Variants in PLXDC2 observed in about 807,000 individuals in gnomAD.
PLXDC2 encodes plexin domain containing 2.
A neutral mutation model predicts 68.9 loss-of-function variants in PLXDC2; 40 were observed. That is an observed-to-expected ratio of 0.58 (90% confidence interval 0.45 to 0.76). PLXDC2 has a LOEUF of 0.76. Ranked by LOEUF, PLXDC2 falls within the 30% of genes least tolerant of loss-of-function variation. PLXDC2 has a pLI of 0.00. For synonymous variants in PLXDC2, 243 were observed against 234.2 expected (o/e 1.04, Z -0.34); for missense variants, 644 against 661.9 (o/e 0.97, Z 0.30).
chr10:19,838,227 T>C (rs1453963946), intron 1 of PLXDC2, among the ~76,000 whole-genome samples: 1 of 151,604 alleles, frequency 6.6e-6, no homozygotes, highest in African/African-American at 2.4e-5. Flanking sequence ...CCTCCCAAAG[T>C]GCTTGGATTA....
intron 1 of PLXDC2, among the ~76,000 whole-genome samples, chr10:19,905,674 A>G (rs1242587439): frequency 6.6e-6 from 1 of 152,204 alleles, no homozygotes; most frequent in African/African-American, 2.4e-5. Flanking sequence ...TCCCAATTAT[A>G]TTATGATTTA....
In PLXDC2 at chr10:20,164,522, C is replaced by G. The variant is rs776955112; in HGVS notation, c.838C>G (p.Leu280Val). The change falls in exon 7 of 14, where the codon CTG becomes GTG. Residue 280 changes from leucine to valine, a missense_variant. Physicochemically the swap from Leu to Val is conservative, Grantham distance 32. This residue lies in a region of PLXDC2 where 330 missense variants were observed against 327.9 expected (regional missense o/e 1.01). Transcript: ENST00000377252. ...AACCAATCATCCAGTGAAAGTCGGA[C>G]TGTCCGATGCATTTGTCGTTGTCCA... is the stretch of plus-strand genomic sequence containing the variant. ...SSTNHPVKVG[L>V]SDAFVVVHRI... 20 of 1,613,600 alleles carry G rather than the reference C, an allele frequency of 1.2e-5. No homozygotes were observed. The highest frequency in any genetic ancestry group is 1.5e-5 in the Non-Finnish European group (18 of 1,179,798).
chr10:19,854,642 C>T (rs1463950914), intron 1 of PLXDC2, among the ~76,000 whole-genome samples: 4 of 151,962 alleles, frequency 2.6e-5, no homozygotes, highest in South Asian at 4.2e-4. Flanking sequence ...ATTTGGCAAG[C>T]GAAGTTAAAA....
At chr10:20,020,214 CTTA>C (rs956633326) in intron 2 of PLXDC2, among the ~76,000 whole-genome samples, 1 of 111,276 alleles carries the variant, frequency 9.0e-6, no homozygotes, top group African/African-American at 3.9e-5. Flanking sequence ...GAGAGGTTGT[CTTA>C]TTATGTTACC....
intron 2 of PLXDC2, among the ~76,000 whole-genome samples, chr10:20,022,027 A>T (rs1835320453): frequency 6.6e-6 from 1 of 152,216 alleles, no homozygotes; most frequent in Non-Finnish European, 1.5e-5. Context: ...TCTGCTTAAA[A>T]TGTTGAACTT....
At chr10:19,990,259 A>G (rs1428933621) in intron 1 of PLXDC2, among the ~76,000 whole-genome samples, 1 of 152,184 alleles carries the variant, frequency 6.6e-6, no homozygotes, top group East Asian at 1.9e-4. Flanking sequence ...CATAATTTTT[A>G]GCAAAATCCT....
chr10:20,146,511 CCTTCCTT>C (rs1242136539), intron 5 of PLXDC2, among the ~76,000 whole-genome samples: 4 of 144,970 alleles, frequency 2.8e-5, no homozygotes, highest in African/African-American at 7.7e-5. Flanking sequence ...TTCCTTCCTT[CCTTCCTT>C]CCTCCCTCCC....
chr10:20,008,078 C>T (rs1052314760), intron 2 of PLXDC2, among the ~76,000 whole-genome samples: 1 of 152,234 alleles, frequency 6.6e-6, no homozygotes, highest in Admixed American at 6.5e-5. Flanking sequence ...GGCTATCACA[C>T]ATACACTGCC....
chr10:20,038,965 T>C (rs2131674516), intron 2 of PLXDC2, among the ~76,000 whole-genome samples: 1 of 152,258 alleles, frequency 6.6e-6, no homozygotes, highest in African/African-American at 2.4e-5. Context: ...CCTTTTTCTG[T>C]ATGATTTTAC....
chr10:20,197,654 C>A (rs1389288739), intron 9 of PLXDC2, among the ~76,000 whole-genome samples: 4 of 151,644 alleles, frequency 2.6e-5, no homozygotes, highest in Non-Finnish European at 5.9e-5. Flanking sequence ...CCGCACCCGG[C>A]CTTTATTTTT....
chr10:19,967,028 G>A (rs1165977020), intron 1 of PLXDC2, among the ~76,000 whole-genome samples: 3 of 152,164 alleles, frequency 2.0e-5, no homozygotes, highest in Non-Finnish European at 4.4e-5. Flanking sequence ...CAACCTCATG[G>A]CGAGACTTGT....
At chr10:20,125,178 C>A (rs1833755823) in intron 4 of PLXDC2, among the ~76,000 whole-genome samples, 2 of 152,086 alleles carry the variant, frequency 1.3e-5, no homozygotes, top group South Asian at 4.1e-4. Flanking sequence ...TTCCTAATAT[C>A]CACTGGCACT....
At chr10:19,972,364 G>A (rs532980565) in intron 1 of PLXDC2, among the ~76,000 whole-genome samples, 144 of 152,210 alleles carry the variant, frequency 9.5e-4, no homozygotes, top group African/African-American at 3.3e-3. Context: ...AATACCCCAC[G>A]TTATCACTCA....
chr10:20,207,618 A>G (rs992148617), intron 9 of PLXDC2, among the ~76,000 whole-genome samples: 1 of 152,200 alleles, frequency 6.6e-6, no homozygotes, highest in East Asian at 1.9e-4. Flanking sequence ...ATGTCAGTAC[A>G]TTCTTCAATG....
chr10:20,148,015 G>C (rs1038090636), intron 6 of PLXDC2, 113 bp downstream of exon 6: 4 of 750,918 alleles, frequency 5.3e-6, no homozygotes, highest in African/African-American at 3.5e-5. Context: ...TCATTTTCTT[G>C]CCTCTTGGTT....
chr10:19,853,964 G>T (rs1385273574), intron 1 of PLXDC2, among the ~76,000 whole-genome samples: 1 of 152,122 alleles, frequency 6.6e-6, no homozygotes, highest in African/African-American at 2.4e-5. Context: ...GCATTTCCCT[G>T]ATTCTGGTTG....
At chr10:20,218,145 TG>T (rs765969659) in intron 11 of PLXDC2, among the ~76,000 whole-genome samples, 1 of 152,144 alleles carries the variant, frequency 6.6e-6, no homozygotes, top group Non-Finnish European at 1.5e-5. Flanking sequence ...TGTTAATGCT[TG>T]GGCACAGCTC....
At chr10:19,973,153 A>G (rs964020674) in intron 1 of PLXDC2, among the ~76,000 whole-genome samples, 36 of 151,442 alleles carry the variant, frequency 2.4e-4, no homozygotes, top group African/African-American at 8.5e-4. Context: ...GTTAATTTCT[A>G]TATCTTTGTG....
chr10:19,858,189 C>A (rs1238886857), intron 1 of PLXDC2, among the ~76,000 whole-genome samples: 2 of 152,064 alleles, frequency 1.3e-5, no homozygotes, highest in Non-Finnish European at 1.5e-5. Flanking sequence ...AATTTTCAAG[C>A]AAAAATCTCC....
Sources: allele counts gnomAD v4.1 joint callset (sites outside exome capture counted in the v4.1 genomes callset), GRCh38; gene constraint gnomAD v4.1.1; regional missense constraint gnomAD v4.1.1; transcripts MANE v1.5; gene names NCBI Gene and HGNC (gene_info 2026-07-23, HGNC 2026-07-21).